NRXN3: variants seen among roughly 807,000 people sequenced by gnomAD.
NRXN3 encodes the protein neurexin 3, also known as neurexin III.
NRXN3 carries 32 observed loss-of-function variants against 137.6 expected under a neutral mutation model. The observed-to-expected ratio is 0.23, with a 90% CI of 0.18 to 0.31. NRXN3 has a LOEUF of 0.31. Ranked by LOEUF, NRXN3 falls within the 10% of genes least tolerant of loss-of-function variation. The pLI is 1.00. For missense variants in NRXN3, 1,574 were observed against 2,062.5 expected (o/e 0.76, Z 4.59); for synonymous variants, 798 against 784.5 (o/e 1.02, Z -0.29).
intron 14 of NRXN3, among the ~76,000 whole-genome samples, chr14:78,977,235 T>C (rs1281230742): frequency 6.6e-6 from 1 of 152,208 alleles, no homozygotes; most frequent in Non-Finnish European, 1.5e-5. Flanking sequence ...AGTACATAGA[T>C]GACCAGAGAG....
At chr14:79,239,910 A>G (rs1325207540) in intron 15 of NRXN3, among the ~76,000 whole-genome samples, 2 of 152,196 alleles carry the variant, frequency 1.3e-5, no homozygotes. Context: ...TAAGCCAGAC[A>G]CAGAAAGACT....
chr14:78,446,374 G>T (rs1332453247), intron 4 of NRXN3, among the ~76,000 whole-genome samples: 4 of 151,520 alleles, frequency 2.6e-5, no homozygotes, highest in Non-Finnish European at 5.9e-5. Context: ...CTGTCCACTG[G>T]ACACCCACTA....
Position 78,242,530 on chromosome 14 carries a change from G to C in NRXN3, c.-564G>C, listed in dbSNP as rs2067204387. ...GCTTCTAGCTGCCCCCCTCCCCACAGCCTGCCGCTGCTAGGAGGTAGAACT... is the reference window on the plus strand; with the variant it reads ...GCTTCTAGCTGCCCCCCTCCCCACACCCTGCCGCTGCTAGGAGGTAGAACT... On this transcript the variant is annotated 5_prime_UTR_variant, in exon 2 of 21. Coordinates refer to ENST00000335750, the MANE Select transcript of NRXN3 (RefSeq NM_001330195.2). The C allele has an allele frequency of 6.5e-6, 1 of 153,694 alleles. No homozygotes were observed. Among genetic ancestry groups the C allele is most frequent in the Non-Finnish European group, 1.4e-5 (1 of 69,228 alleles). 9.5% of individuals were successfully genotyped at this position (153,694 alleles called of 1,614,324 possible).
chr14:79,304,048 A>G (rs1216709187), intron 15 of NRXN3, among the ~76,000 whole-genome samples: 2 of 152,100 alleles, frequency 1.3e-5, no homozygotes, highest in Non-Finnish European at 2.9e-5. Flanking sequence ...AACCTTTTAA[A>G]TTCCTACTCA....
chr14:79,416,247 G>C (rs1238341789), intron 15 of NRXN3, among the ~76,000 whole-genome samples: 1 of 152,064 alleles, frequency 6.6e-6, no homozygotes, highest in Non-Finnish European at 1.5e-5. Context: ...GGTCAACAAA[G>C]ATTATCTAAT....
At chr14:79,270,016 T>G (rs2079067522) in intron 15 of NRXN3, among the ~76,000 whole-genome samples, 1 of 152,178 alleles carries the variant, frequency 6.6e-6, no homozygotes, top group Non-Finnish European at 1.5e-5. Context: ...AGGCATTGGG[T>G]TTGAGCCTCA....
chr14:79,548,147 C>A (rs1479375544), intron 16 of NRXN3, among the ~76,000 whole-genome samples: 1 of 152,076 alleles, frequency 6.6e-6, no homozygotes, highest in Non-Finnish European at 1.5e-5. Flanking sequence ...ATCAACCCAT[C>A]ATCTACATTA....
At chr14:78,294,130 T>C (rs1173620453) in intron 3 of NRXN3, among the ~76,000 whole-genome samples, 1 of 152,218 alleles carries the variant, frequency 6.6e-6, no homozygotes, top group Non-Finnish European at 1.5e-5. Flanking sequence ...TTAGGAATTA[T>C]CCATTCACTC....
intron 15 of NRXN3, among the ~76,000 whole-genome samples, chr14:79,063,316 T>A (rs2099676562): frequency 6.6e-6 from 1 of 152,158 alleles, no homozygotes; most frequent in African/African-American, 2.4e-5. Context: ...GGAGTCTCGC[T>A]CTTATTGCCC....
chr14:79,147,682 A>G (rs1020286911), intron 15 of NRXN3, among the ~76,000 whole-genome samples: 3 of 152,114 alleles, frequency 2.0e-5, no homozygotes, highest in Non-Finnish European at 2.9e-5. Context: ...GTTTTGTATC[A>G]AATGCTTCTC....
At chr14:79,707,402 T>G (rs371964346) in intron 19 of NRXN3, among the ~76,000 whole-genome samples, 1 of 152,174 alleles carries the variant, frequency 6.6e-6, no homozygotes, top group East Asian at 1.9e-4. Flanking sequence ...ATCAGGAGAC[T>G]TAGCTCATGA....
At chr14:79,649,966 C>T (rs1470221915) in intron 16 of NRXN3, among the ~76,000 whole-genome samples, 6 of 152,138 alleles carry the variant, frequency 3.9e-5, no homozygotes, top group Admixed American at 6.5e-5. Flanking sequence ...GTCCATTTCC[C>T]GACTGACAGA....
At chr14:78,508,875 G>A (rs1247831188) in intron 4 of NRXN3, among the ~76,000 whole-genome samples, 9 of 152,134 alleles carry the variant, frequency 5.9e-5, no homozygotes, top group Non-Finnish European at 1.2e-4. Context: ...TAGATTTTAA[G>A]CAACTAATCA....
At chr14:79,461,401 G>C (rs2096338655) in intron 15 of NRXN3, among the ~76,000 whole-genome samples, 1 of 152,148 alleles carries the variant, frequency 6.6e-6, no homozygotes. Flanking sequence ...CCAAAAGAAA[G>C]CAATTTGAAA....
At chr14:79,353,878 T>G (rs1599054943) in intron 15 of NRXN3, among the ~76,000 whole-genome samples, 1 of 152,244 alleles carries the variant, frequency 6.6e-6, no homozygotes, top group Admixed American at 6.5e-5. Context: ...TACTCATGTA[T>G]GAGGACCACA....
At chr14:79,468,078 A>T (rs769014648) in intron 16 of NRXN3, among the ~76,000 whole-genome samples, 1 of 152,232 alleles carries the variant, frequency 6.6e-6, no homozygotes, top group Non-Finnish European at 1.5e-5. Context: ...GAAACAGAAC[A>T]GTGATCAAGA....
At chr14:79,485,435 A>G (rs2096646842) in intron 16 of NRXN3, among the ~76,000 whole-genome samples, 1 of 152,150 alleles carries the variant, frequency 6.6e-6, no homozygotes, top group Non-Finnish European at 1.5e-5. Flanking sequence ...TGAGACTATG[A>G]ATAATTCTTT....
intron 4 of NRXN3, among the ~76,000 whole-genome samples, chr14:78,512,100 G>A (rs1456001711): frequency 6.6e-6 from 1 of 152,094 alleles, no homozygotes; most frequent in Non-Finnish European, 1.5e-5. Flanking sequence ...TCTGTCATAT[G>A]AATAAGCCCA....
intron 4 of NRXN3, among the ~76,000 whole-genome samples, chr14:78,604,081 A>G (rs1018230097): frequency 6.6e-6 from 1 of 152,206 alleles, no homozygotes; most frequent in African/African-American, 2.4e-5. Context: ...GGCAGGCTAG[A>G]GAGAATTAGA....
Sources: allele counts gnomAD v4.1 joint callset (sites outside exome capture counted in the v4.1 genomes callset), GRCh38; gene constraint gnomAD v4.1.1; transcripts MANE v1.5; gene names NCBI Gene and HGNC (gene_info 2026-07-23, HGNC 2026-07-21).